Variants in NLRC3 observed in about 807,000 individuals in gnomAD.
NLRC3 encodes the protein NLR family CARD domain containing 3, also known as NLR family CARD domain-containing protein 3.
In NLRC3, 87 loss-of-function variants were observed where a neutral mutation model predicts 91.6. The observed-to-expected ratio is 0.95, with a 90% confidence interval of 0.80 to 1.14. The LOEUF is 1.14. NLRC3 is among the 50% of genes most tolerant of loss of function. The pLI is 0.00. For missense variants in NLRC3, 1,577 were observed against 1,418.6 expected (o/e 1.11, Z -1.79); for synonymous variants, 694 against 625.3 (o/e 1.11, Z -1.64).
At chr16:3,560,457 T>C (rs1259310691) in intron 6 of NLRC3, among the ~76,000 whole-genome samples, 1 of 151,858 alleles carries the variant, frequency 6.6e-6, no homozygotes, top group Non-Finnish European at 1.5e-5. Flanking sequence ...GCCCTTGGGT[T>C]CTCTTCTCCA....
At chr16:3,544,166 A>G in intron 16 of NLRC3, 80 bp downstream of exon 16, 2 of 748,156 alleles carry the variant, frequency 2.7e-6, no homozygotes, top group East Asian at 3.0e-5. Context: ...CTCGAGGAAA[A>G]AAAAAAAAAA....
intron 1 of NLRC3, among the ~76,000 whole-genome samples, chr16:3,571,897 G>A (rs371319611): frequency 1.8e-4 from 27 of 151,742 alleles, no homozygotes; most frequent in African/African-American, 5.5e-4. Flanking sequence ...CCAAGATGGC[G>A]CCACTGCACT....
In NLRC3 at chr16:3,541,581, G is replaced by T; in HGVS notation, c.*244C>A. On this transcript the variant is annotated 3_prime_UTR_variant, in exon 20 of 20. Coordinates refer to ENST00000359128, the MANE Select transcript of NLRC3 (RefSeq NM_178844.4). ...GGCCTTTGGCCCCTAGTCCCTTGGG[G>T]GTGGCCCCTCCCTTCTCTGTGCCAT... 1.9e-6 allele frequency: 1 copy of T among 533,926 alleles called. No homozygotes were observed. Among genetic ancestry groups the T allele is most frequent in the Non-Finnish European group, 3.4e-6 (1 of 298,208 alleles). 33.1% of individuals were successfully genotyped at this position (533,926 alleles called of 1,614,324 possible).
At chr16:3,548,950 C>G (rs1242191719) in intron 13 of NLRC3, among the ~76,000 whole-genome samples, 192 bp downstream of exon 13, 1 of 152,340 alleles carries the variant, frequency 6.6e-6, no homozygotes, top group East Asian at 1.9e-4. Context: ...GTCACACTAG[C>G]CTCACCCTCG....
intron 9 of NLRC3, among the ~76,000 whole-genome samples, chr16:3,552,862 C>G (rs889276157): frequency 6.6e-6 from 1 of 152,194 alleles, no homozygotes; most frequent in Admixed American, 6.5e-5. Flanking sequence ...ATCACTTGAA[C>G]CAGGGAGGCG....
intron 10 of NLRC3, among the ~76,000 whole-genome samples, chr16:3,550,853 G>C (rs577227089): frequency 1.3e-5 from 2 of 152,240 alleles, no homozygotes; most frequent in South Asian, 4.2e-4. Flanking sequence ...ACCCAGTCCT[G>C]GGAATCTGAG....
chr16:3,550,309 G>T, intron 11 of NLRC3, 105 bp downstream of exon 11: 1 of 704,588 alleles, frequency 1.4e-6, no homozygotes, highest in Non-Finnish European at 2.5e-6. Flanking sequence ...GGTTAGTGTT[G>T]GCAGGGAAAT....
At chr16:3,565,886 T>A (rs951807830) in intron 2 of NLRC3, among the ~76,000 whole-genome samples, 1 of 150,720 alleles carries the variant, frequency 6.6e-6, no homozygotes, top group Non-Finnish European at 1.5e-5. Flanking sequence ...TAAAATTTTT[T>A]AAAAATTAGC....
At chr16:3,556,639 G>T (rs1334301504) in intron 8 of NLRC3, among the ~76,000 whole-genome samples, 1 of 152,064 alleles carries the variant, frequency 6.6e-6, no homozygotes, top group Non-Finnish European at 1.5e-5. Flanking sequence ...CGAGTTGCTG[G>T]GATTACAGGC....
At chr16:3,549,363 G>T in intron 12 of NLRC3, 138 bp from the exon 13 acceptor site, 1 of 700,892 alleles carries the variant, frequency 1.4e-6, no homozygotes, top group Non-Finnish European at 2.5e-6. Flanking sequence ...CTGGGCTGAG[G>T]TGTGAAGGAG....
rs752534683 is a variant in NLRC3, at chr16:3,564,668, A to G, written c.269T>C (p.Leu90Pro). Residue 90 changes from leucine (L) to proline (P), a missense_variant, in exon 5 of 20, where the codon CTC becomes CCC. Leu to Pro is a moderately conservative substitution (Grantham distance 98, BLOSUM62 -3). Coordinates refer to ENST00000359128, the MANE Select transcript of NLRC3 (RefSeq NM_178844.4). This position sits in a 1 kb window ranked among gnomAD's most constrained non-coding sequence, Gnocchi z 5.9. ...GTCCGTCAGGCCCTCCACCAGCAGG[A>G]GGGAGGCCAGCCTGTGCCAGGGTCC... is the stretch of plus-strand genomic sequence containing the variant. ...LGGPWHRLAS[L>P]LLVEGLTDLQ... 3.6e-5 allele frequency: 57 copies of G among 1,604,434 alleles called. No homozygotes were observed. Among genetic ancestry groups the G allele is most frequent in the Non-Finnish European group, 3.9e-5 (46 of 1,179,536 alleles).
At chr16:3,576,974 C>G (rs2040328223) in intron 1 of NLRC3, among the ~76,000 whole-genome samples, 175 bp downstream of exon 1, 1 of 152,176 alleles carries the variant, frequency 6.6e-6, no homozygotes, top group African/African-American at 2.4e-5. Context: ...CTGGCCACAT[C>G]TCTTTTTTCT....
rs751821741 is a variant in NLRC3, at chr16:3,541,447, TA to T, written c.*377del. 41 of 178,904 alleles carry T rather than the reference TA, an allele frequency of 2.3e-4. No homozygotes were observed. Among genetic ancestry groups the T allele is most frequent in the African/African-American group, 1.7e-4 (7 of 42,252 alleles). The allele number at this position is 178,904 out of a possible 1,614,324, so 11.1% of individuals were successfully genotyped here. ...TCATCTCAGAGCATGGGATGATTTT[TA>T]ACCAGGTGAGTGGAAAGGGGCAGTA... On this transcript the variant is annotated 3_prime_UTR_variant, in exon 20 of 20. Transcript: ENST00000359128.
chr16:3,546,278 G>A (rs1198312746), intron 15 of NLRC3, among the ~76,000 whole-genome samples: 1 of 151,814 alleles, frequency 6.6e-6, no homozygotes, highest in Non-Finnish European at 1.5e-5. Context: ...GTTATATGCT[G>A]GATGTGGTGG....
At chr16:3,559,902 C>G (rs1176278088) in intron 6 of NLRC3, among the ~76,000 whole-genome samples, 1 of 152,038 alleles carries the variant, frequency 6.6e-6, no homozygotes, top group Non-Finnish European at 1.5e-5. Flanking sequence ...CTCAGTCTCC[C>G]AAAGTGCTGG....
chr16:3,560,209 G>GTT (rs895249317), intron 6 of NLRC3, among the ~76,000 whole-genome samples: 1 of 152,032 alleles, frequency 6.6e-6, no homozygotes, highest in Non-Finnish European at 1.5e-5. Context: ...GAGGTCAGGA[G>GTT]TTTGAGACCA....
intron 8 of NLRC3, among the ~76,000 whole-genome samples, chr16:3,556,628 C>T (rs1278709828): frequency 6.6e-6 from 1 of 152,126 alleles, no homozygotes; most frequent in Non-Finnish European, 1.5e-5. Flanking sequence ...CCTTAGCCTC[C>T]CGAGTTGCTG....
chr16:3,572,258 A>G (rs1265448018), intron 1 of NLRC3, among the ~76,000 whole-genome samples: 1 of 152,166 alleles, frequency 6.6e-6, no homozygotes, highest in Non-Finnish European at 1.5e-5. Flanking sequence ...GGTGAATATT[A>G]TAACATAACA....
At position 3,552,256 on chromosome 16, in the gene NLRC3, G is replaced by C; in HGVS notation, c.2291C>G (p.Pro764Arg). 1 of 1,613,284 alleles carries C rather than the reference G, an allele frequency of 6.2e-7. No individual in the cohort carries two copies. ...MLHLQKNSIG[P>R]MGAQRMADAL... ...ATCTGCCATCCGCTGGGCTCCCATG[G>C]GCCCGATGCTGTTCTTCTGCAGGCT... The change falls in exon 10 of 20, where the codon CCC becomes CGC. Residue 764 changes from proline (P) to arginine (R), a missense_variant. By Grantham distance (103) the Pro-to-Arg change is moderately radical. Coordinates refer to ENST00000359128, the MANE Select transcript of NLRC3 (RefSeq NM_178844.4).
Sources: allele counts gnomAD v4.1 joint callset (sites outside exome capture counted in the v4.1 genomes callset), GRCh38; gene constraint gnomAD v4.1.1; non-coding constraint Gnocchi (gnomAD v3.1); transcripts MANE v1.5; gene names NCBI Gene and HGNC (gene_info 2026-07-23, HGNC 2026-07-21).